GOLM2: variants seen among roughly 807,000 people sequenced by gnomAD.
The protein encoded by GOLM2 is golgi membrane protein 2, also known as protein GOLM2.
GOLM2 carries 26 observed loss-of-function variants against 55.9 expected under a neutral mutation model. The ratio of observed to expected loss-of-function variants is 0.47; its 90% CI spans 0.34 to 0.65. The LOEUF is 0.65. Among genes scored for constraint, GOLM2 ranks in the 30% least tolerant of loss-of-function variants. GOLM2 has a pLI of 0.01. For missense variants in GOLM2, 486 were observed against 531.8 expected (o/e 0.91, Z 0.85); for synonymous variants, 165 against 194.6 (o/e 0.85, Z 1.27).
chr15:44,340,955 A>G (rs1192132700), intron 6 of GOLM2, among the ~76,000 whole-genome samples: 1 of 152,188 alleles, frequency 6.6e-6, no homozygotes, highest in African/African-American at 2.4e-5. Context: ...CTCTATTCAG[A>G]TATGAGCAAC....
intron 8 of GOLM2, among the ~76,000 whole-genome samples, chr15:44,396,639 T>C (rs767448705): frequency 6.6e-6 from 1 of 152,204 alleles, no homozygotes; most frequent in African/African-American, 2.4e-5. Context: ...TTTGAAGTTT[T>C]ATTGTGTTGT....
chr15:44,341,001 T>C (rs547488077), intron 6 of GOLM2, among the ~76,000 whole-genome samples: 1 of 152,204 alleles, frequency 6.6e-6, no homozygotes, highest in Non-Finnish European at 1.5e-5. Context: ...TTTCATGTAA[T>C]ATACCTGAAA....
intron 1 of GOLM2, among the ~76,000 whole-genome samples, chr15:44,309,139 C>T (rs374267695): frequency 1.3e-5 from 2 of 152,142 alleles, no homozygotes; most frequent in East Asian, 3.8e-4. Flanking sequence ...TGAAAGATAA[C>T]AAATGTTGGT....
In GOLM2 at chr15:44,415,608, T is replaced by C. The variant is rs902996289; in HGVS notation, c.*2202T>C. The C allele has an allele frequency of 6.6e-6, 1 of 152,646 alleles. No individual in the cohort carries two copies. Among genetic ancestry groups the C allele is most frequent in the African/African-American group, 2.4e-5 (1 of 41,472 alleles). 9.5% of individuals were successfully genotyped at this position (152,646 alleles called of 1,614,324 possible). A position where few individuals can be genotyped will look rare whatever the true frequency, so the allele number is the denominator to read the frequency against. On this transcript the variant is annotated 3_prime_UTR_variant, in exon 10 of 10. Coordinates refer to ENST00000299957, the MANE Select transcript of GOLM2 (RefSeq NM_138423.4). ...AAATCTGACATTTTACAGTCTGTATTAGACATACTGTTTTTATAATGTTTT... is the reference window on the plus strand; with the variant it reads ...AAATCTGACATTTTACAGTCTGTATCAGACATACTGTTTTTATAATGTTTT...
chr15:44,324,882 G>A (rs1003072069), intron 2 of GOLM2, among the ~76,000 whole-genome samples: 9 of 152,034 alleles, frequency 5.9e-5, no homozygotes, highest in African/African-American at 1.2e-4. Context: ...AAGATAGAGC[G>A]TCCTGTACAA....
chr15:44,375,016 A>ATATT (rs1401537239), intron 6 of GOLM2, among the ~76,000 whole-genome samples: 2 of 152,028 alleles, frequency 1.3e-5, no homozygotes, highest in Admixed American at 6.6e-5. Flanking sequence ...TTATTTATTT[A>ATATT]TATTTATTTA....
At chr15:44,410,458 TA>T (rs2079630829) in intron 9 of GOLM2, among the ~76,000 whole-genome samples, 1 of 152,040 alleles carries the variant, frequency 6.6e-6, no homozygotes, top group South Asian at 2.1e-4. Flanking sequence ...TTTTTTTAAG[TA>T]AAGAGTTCAT....
intron 1 of GOLM2, among the ~76,000 whole-genome samples, chr15:44,311,487 T>G (rs545168472): frequency 1.3e-5 from 2 of 152,066 alleles, no homozygotes; most frequent in African/African-American, 4.8e-5. Context: ...TTTATTATTG[T>G]GGTAAGTGTG....
chr15:44,369,066 ATTATATATATATATATATATATATATAT>A (rs1296810189), intron 6 of GOLM2, among the ~76,000 whole-genome samples: 1 of 60,096 alleles, frequency 1.7e-5, no homozygotes, highest in African/African-American at 7.5e-5. Context: ...AATAGGATAT[ATTATATATATATATATATATATATATAT>A]ATATATATAT....
Position 44,338,347 on chromosome 15 carries a change from A to G in GOLM2, c.802+30A>G, listed in dbSNP as rs1366458724. 6 of 1,520,750 alleles carry G rather than the reference A, an allele frequency of 3.9e-6. No homozygotes were observed. The Admixed American group carries it at 5.0e-5, about 13-fold the overall frequency. 94.2% of individuals were successfully genotyped at this position (1,520,750 alleles called of 1,614,324 possible). ...GTAAAAATTGTTAGAGAATTCGACTAAAGTGATGATAATACATTTCATGTG... is the reference window on the plus strand; with the variant it reads ...GTAAAAATTGTTAGAGAATTCGACTGAAGTGATGATAATACATTTCATGTG... On this transcript the variant is annotated intron_variant, in intron 6 of 9. Transcript: ENST00000299957.
chr15:44,381,147 T>TA (rs1161678106), intron 8 of GOLM2, among the ~76,000 whole-genome samples, 171 bp downstream of exon 8: 5 of 152,212 alleles, frequency 3.3e-5, no homozygotes, highest in Non-Finnish European at 7.4e-5. Context: ...AATGGATAGA[T>TA]ACGATTTTAA....
intron 6 of GOLM2, chr15:44,345,735 G>C (rs1458630995): frequency 6.6e-6 from 1 of 151,962 alleles, no homozygotes; most frequent in Non-Finnish European, 1.5e-5. Flanking sequence ...CTTACTTTGG[G>C]GGAAACCCTC....
chr15:44,387,385 A>G lies in GOLM2; in HGVS notation c.1072+6409A>G, dbSNP rs559872552. The stretch of plus-strand genomic sequence containing the variant: ...TGCTGCCTTGGTTAAATTTATTCCT[A>G]AGCATTTTATTGTTTTGATGTCATT... On this transcript the variant is annotated intron_variant, in intron 8 of 9. Transcript: ENST00000299957. The G allele has an allele frequency of 1.2e-4, 18 of 152,274 alleles. No homozygotes were observed. The South Asian group carries it at 3.7e-3, about 32-fold the overall frequency. The allele number at this position is 152,274 out of a possible 1,614,324, so 9.4% of individuals were successfully genotyped here.
chr15:44,395,393 T>G (rs544535524), intron 8 of GOLM2, among the ~76,000 whole-genome samples: 10 of 152,190 alleles, frequency 6.6e-5, no homozygotes, highest in African/African-American at 2.4e-4. Context: ...GTGACTCATC[T>G]TGGTGTTTCC....
At chr15:44,329,002 G>A (rs2079003832) in intron 3 of GOLM2, among the ~76,000 whole-genome samples, 2 of 152,080 alleles carry the variant, frequency 1.3e-5, no homozygotes. Context: ...GTATCTCTTA[G>A]AGGGCATGTT....
intron 6 of GOLM2, among the ~76,000 whole-genome samples, chr15:44,373,840 C>T (rs977917146): frequency 1.3e-5 from 2 of 152,208 alleles, no homozygotes; most frequent in South Asian, 4.1e-4. Flanking sequence ...ATGGCTCACA[C>T]CTATAATCCC....
chr15:44,319,848 C>T (rs2078937178), intron 1 of GOLM2, among the ~76,000 whole-genome samples: 1 of 152,176 alleles, frequency 6.6e-6, no homozygotes, highest in Non-Finnish European at 1.5e-5. Flanking sequence ...CTCAGCCTCC[C>T]AAAGTGTTGG....
In GOLM2 at chr15:44,365,309, T is replaced by C. The variant is rs374387601; in HGVS notation, c.803-14381T>C. 3.3e-5 allele frequency among the ~76,000 whole-genome samples: 5 copies of C among 152,202 alleles called. No individual in the cohort carries two copies. In the East Asian group the frequency reaches 7.7e-4, roughly 24 times the overall value. On this transcript the variant is annotated intron_variant, in intron 6 of 9. Transcript: ENST00000299957. Reference sequence around the variant, plus strand: ...TGGGAGGCCAAAGTTGACAGATCGCTTGAGCCCAGGAGTTCAAGATCAGCC... The same window carrying C: ...TGGGAGGCCAAAGTTGACAGATCGCCTGAGCCCAGGAGTTCAAGATCAGCC...
intron 1 of GOLM2, among the ~76,000 whole-genome samples, chr15:44,290,709 T>C (rs2078714477): frequency 6.6e-6 from 1 of 152,226 alleles, no homozygotes; most frequent in African/African-American, 2.4e-5. Context: ...TTCACATTCT[T>C]CTCTCTGGTC....
Sources: allele counts gnomAD v4.1 joint callset (sites outside exome capture counted in the v4.1 genomes callset), GRCh38; gene constraint gnomAD v4.1.1; transcripts MANE v1.5; gene names NCBI Gene and HGNC (gene_info 2026-07-23, HGNC 2026-07-21).